The following NR1H3 variants were observed in gnomAD, a reference collection of about 807,000 sequenced individuals.
NR1H3 encodes the protein oxysterols receptor LXR-alpha.
NR1H3 carries 19 observed loss-of-function variants against 48.1 expected under a neutral mutation model. The ratio of observed to expected loss-of-function variants is 0.40; its 90% CI spans 0.28 to 0.58. The LOEUF (loss-of-function observed/expected upper bound fraction) is 0.58. Among genes scored for constraint, NR1H3 ranks in the 20% least tolerant of loss-of-function variants. The probability of loss-of-function intolerance (pLI) is 0.50; values close to 1 mark genes in which losing one functional copy is unlikely to be tolerated. For missense variants in NR1H3, 486 were observed against 595.9 expected (o/e 0.82, Z 1.92); for synonymous variants, 232 against 227.3 (o/e 1.02, Z -0.19).
At chr11:47,266,128 TG>T (rs1212484736) in intron 7 of NR1H3, among the ~76,000 whole-genome samples, 2 of 152,024 alleles carry the variant, frequency 1.3e-5, no homozygotes, top group African/African-American at 2.4e-5. Context: ...ATACATGAAA[TG>T]TATCTCTAGT....
Position 47,261,669 on chromosome 11 carries a change from C to T in NR1H3, c.831C>T (p.Gly277=), listed in dbSNP as rs545474025. 1 of 1,614,216 alleles carries T rather than the reference C, an allele frequency of 6.2e-7. No homozygotes were observed. The highest frequency in any genetic ancestry group is 2.2e-5 in the East Asian group (1 of 44,892). Residue 277 remains glycine, a synonymous_variant, in exon 6 of 10, where the codon GGC becomes GGT. Transcript: ENST00000441012. ...TTGACTTTGCTAAACAGCTACCCGG[C>T]TTCCTGCAGCTCAGCCGGGAGGACC... is the stretch of plus-strand genomic sequence containing the variant. ...EIVDFAKQLP[G]FLQLSREDQI...
upstream of NR1H3, chr11:47,257,615 C>G: frequency 1.0e-6 from 1 of 981,910 alleles, no homozygotes; most frequent in Non-Finnish European, 1.2e-6. Flanking sequence ...CCGGGCCGTG[C>G]TGGGACCTTT....
At chr11:47,249,709 C>G (rs748023847) in intron 1 of NR1H3, among the ~76,000 whole-genome samples, 1 of 152,092 alleles carries the variant, frequency 6.6e-6, no homozygotes, top group Non-Finnish European at 1.5e-5. Context: ...ACTCCTGTGA[C>G]GGTTGCAGGT....
intron 7 of NR1H3, among the ~76,000 whole-genome samples, chr11:47,265,583 T>C (rs981368126): frequency 2.0e-5 from 3 of 152,118 alleles, no homozygotes; most frequent in Non-Finnish European, 4.4e-5. Context: ...GAAAAATGTA[T>C]TATTTATTGA....
At chr11:47,256,708 C>T (rs1336271043), upstream of NR1H3, among the ~76,000 whole-genome samples, 2 of 144,928 alleles carry the variant, frequency 1.4e-5, no homozygotes, top group Middle Eastern at 3.3e-3. Context: ...CTAATAAGTA[C>T]GGGATAGACG....
At chr11:47,255,063 C>T (rs774821230), upstream of NR1H3, among the ~76,000 whole-genome samples, 3 of 152,236 alleles carry the variant, frequency 2.0e-5, no homozygotes, top group Non-Finnish European at 4.4e-5. Flanking sequence ...GCAGTAACCT[C>T]AGCAGCTTGC....
rs1050949 is a variant in NR1H3, at chr11:47,268,717, C to T, written c.*21C>T. ...AATGACTGTTCTGTCCCCATATTTT[C>T]TGTTTTCTTGGCCGGATGGCTGAGG... On this transcript the variant is annotated 3_prime_UTR_variant, in exon 10 of 10. Transcript: ENST00000441012. 6.2e-7 allele frequency: 1 copy of T among 1,609,590 alleles called. No homozygotes were observed. Among genetic ancestry groups the T allele is most frequent in the Non-Finnish European group, 8.5e-7 (1 of 1,176,970 alleles).
chr11:47,249,911 G>C (rs1421914975), intron 1 of NR1H3, among the ~76,000 whole-genome samples: 1 of 150,908 alleles, frequency 6.6e-6, no homozygotes, highest in Non-Finnish European at 1.5e-5. Flanking sequence ...GGCCAACGTG[G>C]CGAAACCCCG....
upstream of NR1H3, chr11:47,257,707 C>T (rs1955319687): frequency 1.0e-6 from 1 of 985,488 alleles, no homozygotes; most frequent in Non-Finnish European, 1.2e-6. Context: ...GGGAGGCAGT[C>T]CTTTTGCAAG....
chr11:47,262,123 T>G (rs1340679646), intron 7 of NR1H3, 105 bp downstream of exon 7: 3 of 784,572 alleles, frequency 3.8e-6, no homozygotes, highest in Non-Finnish European at 4.1e-6. Flanking sequence ...CTCATGCCTG[T>G]AATCCCAGCA....
chr11:47,257,874 CCTGTGGGCGGGG>C (rs1955353041), upstream of NR1H3: 1 of 984,976 alleles, frequency 1.0e-6, no homozygotes, highest in Middle Eastern at 5.2e-4. Flanking sequence ...GAGAAGCTGC[CCTGTGGGCGGGG>C]GTGAGGAGGG....
chr11:47,252,102 G>T (rs186027939), intron 1 of NR1H3, among the ~76,000 whole-genome samples: 7 of 151,376 alleles, frequency 4.6e-5, no homozygotes, highest in Admixed American at 1.3e-4. Context: ...AGATGGATAT[G>T]TGGGCCTATC....
chr11:47,258,345 A>T (rs1163653375), intron 1 of NR1H3: 2 of 335,584 alleles, frequency 6.0e-6, no homozygotes, highest in African/African-American at 4.5e-5. Context: ...ATTCTTGGAG[A>T]CAGGTTTGTG....
At chr11:47,267,633 C>G (rs182504833) in intron 7 of NR1H3, among the ~76,000 whole-genome samples, 1 of 152,170 alleles carries the variant, frequency 6.6e-6, no homozygotes, top group Admixed American at 6.5e-5. Context: ...CTCAGCCTCC[C>G]AAGTAGCTGG....
rs1662777927 is a variant in NR1H3 at position 47,259,829 on chromosome 11, G to A, written c.82G>A (p.Ala28Thr). 6.2e-7 allele frequency: 1 copy of A among 1,612,272 alleles called. No individual in the cohort carries two copies. Among genetic ancestry groups the A allele is most frequent in the African/African-American group, 1.3e-5 (1 of 74,876 alleles). The change falls in exon 3 of 10, where the codon GCA becomes ACA. Residue 28 changes from alanine to threonine, a missense_variant. Coordinates refer to ENST00000441012, the MANE Select transcript of NR1H3 (RefSeq NM_005693.4). ...VELWKPGAQD[A>T]SSQAQGGSSC... ...GCTGTGGAAGCCAGGCGCACAGGATGCAAGCAGCCAGGCCCAGGGAGGCAG... is the reference window on the plus strand; with the variant it reads ...GCTGTGGAAGCCAGGCGCACAGGATACAAGCAGCCAGGCCCAGGGAGGCAG...
chr11:47,268,517 C>T, intron 9 of NR1H3, 33 bp from the exon 10 acceptor site: 1 of 1,613,842 alleles, frequency 6.2e-7, no homozygotes, highest in Non-Finnish European at 8.5e-7. Context: ...TGGGGACAGG[C>T]AAAAGCTGTG....
chr11:47,257,940 C>T (rs1297487315), upstream of NR1H3: 4 of 985,350 alleles, frequency 4.1e-6, no homozygotes, highest in Non-Finnish European at 4.8e-6. Context: ...GGCCTGACCC[C>T]TCGGCAGTCC....
intron 2 of NR1H3, 44 bp downstream of exon 2, chr11:47,259,303 C>T (rs951306126): frequency 9.3e-6 from 15 of 1,613,248 alleles, no homozygotes; most frequent in Non-Finnish European, 1.3e-5. Context: ...AGACCGCAGG[C>T]TCCACGCCTC....
At chr11:47,266,843 G>A (rs1956534232) in intron 7 of NR1H3, among the ~76,000 whole-genome samples, 1 of 151,726 alleles carries the variant, frequency 6.6e-6, no homozygotes, top group Non-Finnish European at 1.5e-5. Context: ...GTTTTGCCAT[G>A]TCGGCCAGGC....
Sources: allele counts gnomAD v4.1 joint callset (sites outside exome capture counted in the v4.1 genomes callset), GRCh38; gene constraint gnomAD v4.1.1; transcripts MANE v1.5; gene names NCBI Gene and HGNC (gene_info 2026-07-23, HGNC 2026-07-21).